The following JARID2 variants were observed in gnomAD, a reference collection of about 807,000 sequenced individuals.
JARID2 encodes the protein jumonji and AT-rich interaction domain containing 2, also known as protein Jumonji.
A neutral mutation model predicts 125.6 loss-of-function variants in JARID2; 21 were observed. The ratio of observed to expected loss-of-function variants is 0.17; its 90% CI spans 0.12 to 0.24. The LOEUF (loss-of-function observed/expected upper bound fraction) is 0.24. JARID2 is among the 10% of genes least tolerant of loss of function. The probability of loss-of-function intolerance (pLI) is 1.00; values close to 1 mark genes in which losing one functional copy is unlikely to be tolerated. For missense variants in JARID2, 1,303 were observed against 1,639.6 expected, an observed-to-expected ratio of 0.79 and a Z score of 3.55; for synonymous variants, 736 against 661.6, an observed-to-expected ratio of 1.11 and a Z score of -1.73.
rs369002953 is a variant in JARID2, at chr6:15,290,626, T to C, written c.45+44042T>C. Reference sequence around the variant, plus strand: ...GTTGCTGAATAGTTTTTGGATGTTTTTTTCCCCCCCAAGACAGTGCCTTGC... The same window carrying C: ...GTTGCTGAATAGTTTTTGGATGTTTCTTTCCCCCCCAAGACAGTGCCTTGC... On this transcript the variant is annotated intron_variant, in intron 1 of 17. Transcript: ENST00000341776. Among the ~76,000 whole-genome samples, 8 of 152,240 alleles carry C rather than the reference T, an allele frequency of 5.3e-5. No individual in the cohort carries two copies. The East Asian group carries it at 1.3e-3, about 26-fold the overall frequency.
chr6:15,506,972 T>A (rs1771034233), intron 9 of JARID2, among the ~76,000 whole-genome samples, 164 bp from the exon 10 acceptor site: 2 of 152,228 alleles, frequency 1.3e-5, no homozygotes, highest in Non-Finnish European at 2.9e-5. Context: ...TGACCTGTCA[T>A]TGCTTTCTGC....
chr6:15,421,155 C>T (rs1766471291), intron 3 of JARID2, among the ~76,000 whole-genome samples: 1 of 152,126 alleles, frequency 6.6e-6, no homozygotes, highest in African/African-American at 2.4e-5. Flanking sequence ...TGGACATTCT[C>T]TCAGGGCAGT....
intron 1 of JARID2, among the ~76,000 whole-genome samples, chr6:15,255,016 A>T: frequency 6.6e-6 from 1 of 151,548 alleles, no homozygotes; most frequent in Non-Finnish European, 1.5e-5. Context: ...AAAAAAACAA[A>T]ACAAAAAACA....
chr6:15,421,301 G>A (rs771933407), intron 3 of JARID2, among the ~76,000 whole-genome samples: 13 of 151,900 alleles, frequency 8.6e-5, no homozygotes, highest in Non-Finnish European at 1.3e-4. Context: ...CACTAAAAGC[G>A]GAAGTTCTTT....
intron 3 of JARID2, among the ~76,000 whole-genome samples, chr6:15,450,211 C>A (rs925009135): frequency 4.6e-5 from 7 of 151,944 alleles, no homozygotes; most frequent in African/African-American, 1.7e-4. Flanking sequence ...CTCTTGTTGC[C>A]CAGGCTGGAG....
chr6:15,352,362 G>T (rs1302735278), intron 1 of JARID2, among the ~76,000 whole-genome samples: 1 of 152,092 alleles, frequency 6.6e-6, no homozygotes, highest in Admixed American at 6.5e-5. Context: ...CTGTCTGTAA[G>T]CTGTTTCCTG....
At position 15,487,381 on chromosome 6, in the gene JARID2, G is replaced by A. The variant is rs1211851406; in HGVS notation, c.745G>A (p.Ala249Thr). 8.7e-6 allele frequency: 14 copies of A among 1,614,224 alleles called. No homozygotes were observed. Among genetic ancestry groups the A allele is most frequent in the Middle Eastern group, 3.3e-4 (2 of 6,062 alleles). Residue 249 changes from alanine (A) to threonine (T), a missense_variant, in exon 6 of 18, where the codon GCA becomes ACA. Ala to Thr is a moderately conservative substitution (Grantham distance 58). Coordinates refer to ENST00000341776, the MANE Select transcript of JARID2 (RefSeq NM_004973.4). ...QKHKSKEATPAKEKHSDHRAD... is the reference protein window; with the variant it reads ...QKHKSKEATPTKEKHSDHRAD... ...ACACAAAAGCAAAGAGGCCACTCCC[G>A]CAAAGGAGAAGCACAGCGATCACCG...
chr6:15,356,825 G>C (rs1328918781), intron 1 of JARID2, among the ~76,000 whole-genome samples: 27 of 152,072 alleles, frequency 1.8e-4, no homozygotes, highest in Admixed American at 1.7e-3. Context: ...GACCAGCCTG[G>C]CCAACATGGT....
At chr6:15,488,160 G>C (rs1023059059) in intron 6 of JARID2, among the ~76,000 whole-genome samples, 2 of 152,050 alleles carry the variant, frequency 1.3e-5, no homozygotes, top group African/African-American at 4.8e-5. Flanking sequence ...CCCCCCACCC[G>C]CTATCCCCCA....
At chr6:15,272,957 A>G (rs531557089) in intron 1 of JARID2, among the ~76,000 whole-genome samples, 1 of 152,202 alleles carries the variant, frequency 6.6e-6, no homozygotes, top group African/African-American at 2.4e-5. Flanking sequence ...TAAATTAGCA[A>G]TCTTAATGAT....
At chr6:15,369,529 A>G (rs1391662165) in intron 1 of JARID2, among the ~76,000 whole-genome samples, 2 of 152,192 alleles carry the variant, frequency 1.3e-5, no homozygotes, top group Non-Finnish European at 2.9e-5. Flanking sequence ...AGAGTGGGCC[A>G]AGAAGAGGTC....
intron 1 of JARID2, among the ~76,000 whole-genome samples, chr6:15,347,209 A>T (rs756647518): frequency 6.6e-6 from 1 of 152,220 alleles, no homozygotes; most frequent in Non-Finnish European, 1.5e-5. Flanking sequence ...GCTATAATTT[A>T]TGGGCAGAAT....
At chr6:15,290,370 C>T (rs1761160274) in intron 1 of JARID2, among the ~76,000 whole-genome samples, 1 of 152,148 alleles carries the variant, frequency 6.6e-6, no homozygotes, top group African/African-American at 2.4e-5. Flanking sequence ...TCTTTGTAGT[C>T]ATGTTTTCCT....
chr6:15,513,171 G>C (rs1771361611), intron 15 of JARID2, 68 bp from the exon 16 acceptor site: 1 of 1,434,162 alleles, frequency 7.0e-7, no homozygotes, highest in East Asian at 2.5e-5. Context: ...TGGGGTGCGT[G>C]TGTCCCCTCT....
chr6:15,491,264 G>GA (rs1232414638), intron 6 of JARID2, among the ~76,000 whole-genome samples: 7 of 152,230 alleles, frequency 4.6e-5, no homozygotes, highest in Non-Finnish European at 8.8e-5. Flanking sequence ...AGTGGGAGGA[G>GA]AGGTTATAGG....
chr6:15,418,517 C>CTA (rs1307063271), intron 3 of JARID2, among the ~76,000 whole-genome samples: 5 of 152,138 alleles, frequency 3.3e-5, no homozygotes, highest in Non-Finnish European at 7.4e-5. Flanking sequence ...GCCCGGTCAA[C>CTA]TATATTCTTT....
chr6:15,316,026 C>T (rs1253570554), intron 1 of JARID2, among the ~76,000 whole-genome samples: 5 of 151,146 alleles, frequency 3.3e-5, no homozygotes, highest in African/African-American at 9.7e-5. Flanking sequence ...TTTTTTTCAT[C>T]CCGTGAATGT....
intron 4 of JARID2, among the ~76,000 whole-genome samples, chr6:15,460,515 G>A (rs1052260751): frequency 1.3e-5 from 2 of 152,266 alleles, no homozygotes; most frequent in African/African-American, 4.8e-5. Flanking sequence ...TGTTTTGTTG[G>A]CCAAGCACCT....
intron 4 of JARID2, among the ~76,000 whole-genome samples, chr6:15,459,198 C>A (rs1014966588): frequency 6.6e-6 from 1 of 152,202 alleles, no homozygotes; most frequent in Non-Finnish European, 1.5e-5. Flanking sequence ...AGGCGATCAT[C>A]CACATATAGG....
Sources: gnomAD v4.1 joint callset for allele counts (sites outside exome capture counted in the v4.1 genomes callset) on GRCh38, gnomAD v4.1.1 for gene constraint, MANE v1.5 for transcripts, NCBI Gene and HGNC (gene_info 2026-07-23, HGNC 2026-07-21) for gene names.